ZNF236: variants seen among roughly 807,000 people sequenced by gnomAD.
ZNF236 encodes regulated by glucose.
ZNF236 carries 50 observed loss-of-function variants against 191.2 expected under a neutral mutation model. That is an observed-to-expected ratio of 0.26 (90% CI 0.21 to 0.33). The LOEUF (loss-of-function observed/expected upper bound fraction) is 0.33. Among genes scored for constraint, ZNF236 ranks in the 10% least tolerant of loss-of-function variants. The probability of loss-of-function intolerance (pLI) is 1.00; values close to 1 mark genes in which losing one functional copy is unlikely to be tolerated. For synonymous variants in ZNF236, 907 were observed against 928.8 expected (o/e 0.98, Z 0.43); for missense variants, 1,754 against 2,374.5 (o/e 0.74, Z 5.43).
At chr18:76,897,653 T>C (rs1977471771) in intron 10 of ZNF236, among the ~76,000 whole-genome samples, 1 of 151,560 alleles carries the variant, frequency 6.6e-6, no homozygotes, top group African/African-American at 2.4e-5. Context: ...ACATAGGCAC[T>C]GCCCATAGTA....
At chr18:76,849,254 TGAAGCCTCAG>T (rs1445978218) in intron 1 of ZNF236, 1 of 333,138 alleles carries the variant, frequency 3.0e-6, no homozygotes, top group Non-Finnish European at 5.4e-6. Context: ...TGTGTGGCTG[TGAAGCCTCAG>T]GAATTTAGTT....
At chr18:76,910,248 TTTCTC>T in intron 15 of ZNF236, 79 bp downstream of exon 15, 2 of 1,269,490 alleles carry the variant, frequency 1.6e-6, no homozygotes, top group Non-Finnish European at 2.2e-6. Context: ...CCTTACATGT[TTTCTC>T]TTAAGGCCCT....
At chr18:76,912,872 C>G (rs1474816019) in intron 17 of ZNF236, among the ~76,000 whole-genome samples, 2 of 152,218 alleles carry the variant, frequency 1.3e-5, no homozygotes, top group African/African-American at 4.8e-5. Context: ...AGGCTGGTCT[C>G]AAACTCCTGA....
chr18:76,965,082 T>C (rs1456532355), intron 30 of ZNF236, among the ~76,000 whole-genome samples: 1 of 152,198 alleles, frequency 6.6e-6, no homozygotes, highest in African/African-American at 2.4e-5. Context: ...TCATATTTTC[T>C]TATTCTTTTT....
chr18:76,923,839 A>G (rs1967605856), intron 21 of ZNF236, among the ~76,000 whole-genome samples: 1 of 152,172 alleles, frequency 6.6e-6, no homozygotes. Context: ...AAATAGCTTT[A>G]AGCATTAAGA....
At chr18:76,956,254 A>G (rs971707486) in intron 28 of ZNF236, 72 bp downstream of exon 28, 14 of 1,501,796 alleles carry the variant, frequency 9.3e-6, no homozygotes, top group Non-Finnish European at 1.3e-5. Flanking sequence ...AAGATTTAAC[A>G]CTGGCCGGGA....
intron 26 of ZNF236, among the ~76,000 whole-genome samples, chr18:76,938,005 G>A (rs966618752): frequency 2.0e-5 from 3 of 152,164 alleles, no homozygotes; most frequent in Non-Finnish European, 4.4e-5. Context: ...TTTCATAGTT[G>A]ACTGTAAAAA....
intron 12 of ZNF236, among the ~76,000 whole-genome samples, chr18:76,904,939 T>C (rs1446790687): frequency 6.6e-6 from 1 of 152,196 alleles, no homozygotes; most frequent in East Asian, 1.9e-4. Context: ...AGACATGGCT[T>C]CTAGCTTCAT....
chr18:76,968,340 T>G lies in ZNF236; in HGVS notation c.*1T>G, dbSNP rs777143659. ...GCAGGCCCTCACCCACGTCTTCTGA[T>G]GCGAGTTGGAAGTACACCTTTAAGA... On this transcript the variant is annotated 3_prime_UTR_variant, in exon 31 of 31. Transcript: ENST00000320610. The G allele has an allele frequency of 3.7e-6, 6 of 1,605,790 alleles. No individual in the cohort carries two copies. The highest frequency in any genetic ancestry group is 1.7e-4 in the Middle Eastern group (1 of 6,060).
intron 11 of ZNF236, among the ~76,000 whole-genome samples, chr18:76,900,805 G>T (rs895200301): frequency 6.6e-6 from 1 of 152,158 alleles, no homozygotes; most frequent in Admixed American, 6.5e-5. Context: ...AATTAATATA[G>T]CAGTTCCCAA....
At chr18:76,914,656 G>A (rs1205359108) in intron 18 of ZNF236, among the ~76,000 whole-genome samples, 1 of 152,174 alleles carries the variant, frequency 6.6e-6, no homozygotes, top group Non-Finnish European at 1.5e-5. Context: ...GGCTAATCAT[G>A]TTAAACATCT....
chr18:76,955,965 C>A lies in ZNF236; in HGVS notation c.4915-20C>A, dbSNP rs1968512705. 6.2e-7 allele frequency: 1 copy of A among 1,600,084 alleles called. No homozygotes were observed. The highest frequency in any genetic ancestry group is 2.2e-5 in the East Asian group (1 of 44,524). On this transcript the variant is annotated intron_variant, in intron 27 of 30. Coordinates refer to ENST00000320610, the MANE Select transcript of ZNF236 (RefSeq NM_001306089.2). ...ATCAAGCCAAGTGAGTGGAAAGTCA[C>A]AATTTCTGGCTCTTTCCAGGTAGCT...
rs2122998537 is a variant in ZNF236 at position 76,970,645 on chromosome 18, G to A, written c.*2306G>A. On this transcript the variant is annotated 3_prime_UTR_variant, in exon 31 of 31. Transcript: ENST00000320610. ...CCTCATGTATAACCAGGGTTTTGAG[G>A]ATAAAGAACTGTATTTTTAGAACTA... 2.0e-5 allele frequency: 3 copies of A among 152,644 alleles called. No individual in the cohort carries two copies. In the Middle Eastern group the frequency reaches 0.01, roughly 519 times the overall value. The allele number at this position is 152,644 out of a possible 1,614,324, so 9.5% of individuals were successfully genotyped here. A position where few individuals can be genotyped will look rare whatever the true frequency, so the allele number is the denominator to read the frequency against.
Position 76,960,698 on chromosome 18 carries a change from C to T in ZNF236, c.5262C>T (p.Cys1754=). The change falls in exon 30 of 31, where the codon TGC becomes TGT. Residue 1754 remains cysteine, a synonymous_variant. Transcript: ENST00000320610. The surrounding 1 kb of genome is among the most constrained non-coding windows in gnomAD (Gnocchi z 4.4). ...GTACAGGGGAGCGGCCGTTCCATTG[C>T]ACGCTTTGTGAGAAAGCCTTCAACC... ...RIHTGERPFH[C]TLCEKAFNQK... 6.2e-7 allele frequency: 1 copy of T among 1,614,060 alleles called. No individual in the cohort carries two copies. Among genetic ancestry groups the T allele is most frequent in the South Asian group, 1.1e-5 (1 of 91,062 alleles).
At chr18:76,824,348 C>T (rs536656986) in intron 1 of ZNF236, 24 of 781,054 alleles carry the variant, frequency 3.1e-5, no homozygotes, top group South Asian at 2.7e-4. Context: ...AGCGAGCTTT[C>T]GCACACCTCA....
intron 3 of ZNF236, among the ~76,000 whole-genome samples, chr18:76,853,484 T>C (rs1975943783): frequency 6.6e-6 from 1 of 152,210 alleles, no homozygotes; most frequent in South Asian, 2.1e-4. Context: ...AAGTAATGCA[T>C]ATTTATTTTG....
chr18:76,844,272 G>C (rs989375000), intron 1 of ZNF236, among the ~76,000 whole-genome samples: 1 of 151,966 alleles, frequency 6.6e-6, no homozygotes, highest in Non-Finnish European at 1.5e-5. Context: ...TAGAGAAAGG[G>C]TGGTAGAGAT....
chr18:76,895,513 A>G (rs1166522372), intron 10 of ZNF236: 1 of 634,268 alleles, frequency 1.6e-6, no homozygotes, highest in African/African-American at 1.8e-5. Flanking sequence ...AAAGGTCTCA[A>G]ACACAGATAC....
At chr18:76,917,548 C>T (rs1366634226) in intron 19 of ZNF236, among the ~76,000 whole-genome samples, 1 of 152,140 alleles carries the variant, frequency 6.6e-6, no homozygotes, top group Non-Finnish European at 1.5e-5. Flanking sequence ...AGAAAAGTCA[C>T]GTGTTAAATT....
Sources: gnomAD v4.1 joint callset for allele counts (sites outside exome capture counted in the v4.1 genomes callset) on GRCh38, gnomAD v4.1.1 for gene constraint, Gnocchi (gnomAD v3.1) non-coding constraint, MANE v1.5 for transcripts, NCBI Gene and HGNC (gene_info 2026-07-23, HGNC 2026-07-21) for gene names.